Variants in TRPM3 observed in about 807,000 individuals in gnomAD.
TRPM3 encodes long transient receptor potential channel 3.
A neutral mutation model predicts 181.2 loss-of-function variants in TRPM3; 77 were observed. The observed-to-expected ratio is 0.42, with a 90% CI of 0.35 to 0.51. The LOEUF (loss-of-function observed/expected upper bound fraction) is 0.51, where lower values mean the gene tolerates loss of function less well. Among genes scored for constraint, TRPM3 ranks in the 20% least tolerant of loss-of-function variants. The pLI is 0.01. For synonymous variants in TRPM3, 745 were observed against 796.4 expected, an observed-to-expected ratio of 0.94 and a Z score of 1.09; for missense variants, 1,759 against 2,196.7, an observed-to-expected ratio of 0.80 and a Z score of 3.98.
intron 1 of TRPM3, among the ~76,000 whole-genome samples, chr9:70,892,130 A>C (rs1044221097): frequency 1.3e-5 from 2 of 152,246 alleles, no homozygotes; most frequent in African/African-American, 4.8e-5. Flanking sequence ...AATTCTCAGA[A>C]TGAATCGCCC....
chr9:70,894,321 C>G (rs1390676817), intron 1 of TRPM3, among the ~76,000 whole-genome samples: 1 of 152,186 alleles, frequency 6.6e-6, no homozygotes, highest in South Asian at 2.1e-4. Flanking sequence ...AGGATTAGGA[C>G]CTGGCAGAGG....
intron 6 of TRPM3, among the ~76,000 whole-genome samples, chr9:70,809,002 G>A (rs2091305794): frequency 6.6e-6 from 1 of 152,192 alleles, no homozygotes; most frequent in Admixed American, 6.5e-5. Flanking sequence ...ATCACCTAGT[G>A]ACATCTTGAT....
intron 1 of TRPM3, among the ~76,000 whole-genome samples, chr9:71,367,615 T>C (rs900264993): frequency 3.9e-5 from 6 of 152,148 alleles, no homozygotes; most frequent in Non-Finnish European, 8.8e-5. Context: ...TCCAAGTCTG[T>C]TTTCTCACCT....
chr9:71,296,770 G>T (rs944049477), intron 1 of TRPM3, among the ~76,000 whole-genome samples: 3 of 152,088 alleles, frequency 2.0e-5, no homozygotes, highest in Non-Finnish European at 2.9e-5. Context: ...GACGGCGGGG[G>T]TTCACACTGA....
intron 1 of TRPM3, among the ~76,000 whole-genome samples, chr9:71,325,727 T>C (rs529222532): frequency 1.7e-3 from 263 of 152,104 alleles, no homozygotes; most frequent in African/African-American, 6.1e-3. Context: ...ATCCTGACAA[T>C]ATTCTCCCTC....
At chr9:70,888,571 G>A (rs189985455) in intron 1 of TRPM3, among the ~76,000 whole-genome samples, 3 of 152,132 alleles carry the variant, frequency 2.0e-5, no homozygotes, top group Admixed American at 2.0e-4. Flanking sequence ...TTTGCCTATT[G>A]TCTTACATCC....
intron 1 of TRPM3, among the ~76,000 whole-genome samples, chr9:71,098,911 C>T (rs1007471046): frequency 3.9e-5 from 6 of 152,102 alleles, no homozygotes; most frequent in African/African-American, 7.2e-5. Context: ...CCTCCCTAGG[C>T]ATTGCTACAC....
At chr9:71,395,018 C>T (rs1201528910) in intron 1 of TRPM3, among the ~76,000 whole-genome samples, 1 of 152,176 alleles carries the variant, frequency 6.6e-6, no homozygotes, top group Non-Finnish European at 1.5e-5. Context: ...GTACCACTGT[C>T]ATTTAGTACT....
intron 7 of TRPM3, among the ~76,000 whole-genome samples, chr9:70,765,803 T>C (rs1003253452): frequency 1.2e-4 from 18 of 152,136 alleles, no homozygotes; most frequent in Non-Finnish European, 2.4e-4. Flanking sequence ...CATCTTTTTC[T>C]GTGCAACATT....
At chr9:71,366,072 A>C (rs1413316080) in intron 1 of TRPM3, among the ~76,000 whole-genome samples, 1 of 152,150 alleles carries the variant, frequency 6.6e-6, no homozygotes, top group Non-Finnish European at 1.5e-5. Flanking sequence ...CTTTTCAGAG[A>C]TTGGTCATCA....
chr9:70,552,831 G>T lies in TRPM3; in HGVS notation c.3574+13C>A. The T allele has an allele frequency of 6.2e-7, 1 of 1,613,246 alleles. No individual in the cohort carries two copies. The highest frequency in any genetic ancestry group is 1.1e-5 in the South Asian group (1 of 91,038). ...TCTGATTTGTGGCAGCTCGGCTGTC[G>T]CTTGAAGCTTACTCAGGCCGTAGTC... On this transcript the variant is annotated intron_variant, in intron 24 of 25. Coordinates refer to ENST00000677713, the MANE Select transcript of TRPM3 (RefSeq NM_001366145.2).
At chr9:70,566,293 G>A (rs1328529722) in intron 22 of TRPM3, among the ~76,000 whole-genome samples, 1 of 152,064 alleles carries the variant, frequency 6.6e-6, no homozygotes, top group African/African-American at 2.4e-5. Flanking sequence ...CCTCAGATGA[G>A]GGAGTTGGCT....
At chr9:70,575,285 G>T (rs2053642415) in intron 22 of TRPM3, among the ~76,000 whole-genome samples, 1 of 152,074 alleles carries the variant, frequency 6.6e-6, no homozygotes, top group Non-Finnish European at 1.5e-5. Flanking sequence ...CCTGGAGCTG[G>T]CTTCCCCGCT....
intron 8 of TRPM3, among the ~76,000 whole-genome samples, chr9:70,751,216 A>G (rs1473784831): frequency 6.6e-6 from 1 of 152,168 alleles, no homozygotes. Flanking sequence ...CTGAAAATAA[A>G]AGGAGAAAAA....
intron 3 of TRPM3, among the ~76,000 whole-genome samples, chr9:70,861,303 G>T (rs1246394438): frequency 2.6e-5 from 4 of 152,040 alleles, no homozygotes; most frequent in African/African-American, 9.7e-5. Flanking sequence ...TGCACATTTG[G>T]ACAATGGCAG....
rs115196323 is a variant in TRPM3, at chr9:70,904,115, G to A, written c.178-39604C>T. 4.2e-3 allele frequency among the ~76,000 whole-genome samples: 644 copies of A among 152,168 alleles called. 5 individuals are homozygous for A. The highest frequency in any genetic ancestry group is 0.014 in the African/African-American group (583 of 41,520). Reference sequence around the variant, plus strand: ...TGCACACCTGTAGTCCCAACTACTCGGGCAGCTGAGGTGAGAGGATCACCT... The same window carrying A: ...TGCACACCTGTAGTCCCAACTACTCAGGCAGCTGAGGTGAGAGGATCACCT... On this transcript the variant is annotated intron_variant, in intron 1 of 25. Coordinates refer to ENST00000677713, the MANE Select transcript of TRPM3 (RefSeq NM_001366145.2).
chr9:70,896,991 GGC>G (rs1291241097), intron 1 of TRPM3, among the ~76,000 whole-genome samples: 34 of 125,172 alleles, frequency 2.7e-4, no homozygotes, highest in South Asian at 8.6e-4. Flanking sequence ...ATATTTATGG[GGC>G]ACATGTGATA....
At chr9:71,434,917 C>T (rs767549330) in intron 1 of TRPM3, among the ~76,000 whole-genome samples, 1 of 152,068 alleles carries the variant, frequency 6.6e-6, no homozygotes, top group Non-Finnish European at 1.5e-5. Context: ...ATGGTAACAG[C>T]TCCATTTTAA....
intron 8 of TRPM3, among the ~76,000 whole-genome samples, chr9:70,739,697 G>A (rs2073589014): frequency 6.6e-6 from 1 of 152,044 alleles, no homozygotes; most frequent in Middle Eastern, 3.4e-3. Flanking sequence ...TGCAACTTCT[G>A]CCTTCCAGGT....
Sources: gnomAD v4.1 joint callset for allele counts (sites outside exome capture counted in the v4.1 genomes callset) on GRCh38, gnomAD v4.1.1 for gene constraint, MANE v1.5 for transcripts, NCBI Gene and HGNC (gene_info 2026-07-23, HGNC 2026-07-21) for gene names.